DUSP28: variants seen among roughly 807,000 people sequenced by gnomAD.
DUSP28 encodes the protein dual specificity phosphatase 28.
In DUSP28, 11 loss-of-function variants were observed where a neutral mutation model predicts 8.4. The observed-to-expected ratio is 1.31, with a 90% CI of 0.83 to 2.17. DUSP28 has a LOEUF of 2.17. DUSP28 is among the 30% of genes most tolerant of loss of function. The pLI, the probability that DUSP28 is intolerant of heterozygous loss-of-function variation, is 0.00. For synonymous variants in DUSP28, 178 were observed against 130.9 expected, an observed-to-expected ratio of 1.36 and a Z score of -2.46; for missense variants, 373 against 270.4, an observed-to-expected ratio of 1.38 and a Z score of -2.66.
Position 240,560,964 on chromosome 2 carries a change from C to G in DUSP28, c.280C>G (p.Arg94Gly). 1 of 1,516,578 alleles carries G rather than the reference C, an allele frequency of 6.6e-7. No individual in the cohort carries two copies. The highest frequency in any genetic ancestry group is 1.2e-5 in the South Asian group (1 of 82,364). The allele number at this position is 1,516,578 out of a possible 1,614,324, so 93.9% of individuals were successfully genotyped here. A position where few individuals can be genotyped will look rare whatever the true frequency, so the allele number is the denominator to read the frequency against. The change falls in exon 1 of 2, where the codon CGC (arginine) becomes GGC (glycine). Residue 94 changes from arginine (R) to glycine (G), a missense_variant. Physicochemically the swap from Arg to Gly is moderately radical, Grantham distance 125. Coordinates refer to ENST00000405954, the MANE Select transcript of DUSP28 (RefSeq NM_001370465.2). ...PTCAAMEAAVRAGGACLVYCK... is the reference protein window; with the variant it reads ...PTCAAMEAAVGAGGACLVYCK... ...GTGCGCCGCCATGGAGGCCGCGGTG[C>G]GCGCCGGCGGCGCCTGCCTAGTCTA... is the stretch of plus-strand genomic sequence containing the variant.
intron 1 of DUSP28, 49 bp from the exon 2 acceptor site, chr2:240,561,281 C>A (rs201447869): frequency 1.2e-6 from 2 of 1,612,358 alleles, no homozygotes; most frequent in Admixed American, 1.7e-5. Flanking sequence ...TTGGCCCCTG[C>A]TGGCCATTAG....
Position 240,561,544 on chromosome 2 carries a change from C to T in DUSP28, c.*77C>T. Reference sequence around the variant, plus strand: ...GGCTGGTCTTTACCCTTCTTCCTCACTGTCATATCGAGTTTTCCTTTGTGT... The same window carrying T: ...GGCTGGTCTTTACCCTTCTTCCTCATTGTCATATCGAGTTTTCCTTTGTGT... On this transcript the variant is annotated 3_prime_UTR_variant, in exon 2 of 2. Transcript: ENST00000405954. 2 of 1,501,940 alleles carry T rather than the reference C, an allele frequency of 1.3e-6. No homozygotes were observed. Among genetic ancestry groups the T allele is most frequent in the African/African-American group, 1.4e-5 (1 of 71,394 alleles). The allele number at this position is 1,501,940 out of a possible 1,614,324, so 93.0% of individuals were successfully genotyped here. A position where few individuals can be genotyped will look rare whatever the true frequency, so the allele number is the denominator to read the frequency against.
rs971778456 is a variant in DUSP28 at position 240,564,362 on chromosome 2, C to A, written c.*2895C>A. ...CACGGCCGCCCAGTGCACTCGCCTCCACACTGAGTTTTCATTTTTCCCAGT... is the reference window on the plus strand; with the variant it reads ...CACGGCCGCCCAGTGCACTCGCCTCAACACTGAGTTTTCATTTTTCCCAGT... On this transcript the variant is annotated 3_prime_UTR_variant, in exon 2 of 2. Transcript: ENST00000405954. 3.3e-5 allele frequency among the ~76,000 whole-genome samples: 5 copies of A among 152,234 alleles called. No individual in the cohort carries two copies. Among genetic ancestry groups the A allele is most frequent in the Non-Finnish European group, 7.3e-5 (5 of 68,046 alleles).
Position 240,561,371 on chromosome 2 carries a change from C to A in DUSP28, c.435C>A (p.Gly145=). 1.9e-6 allele frequency: 3 copies of A among 1,613,866 alleles called. No homozygotes were observed. Among genetic ancestry groups the A allele is most frequent in the Non-Finnish European group, 2.5e-6 (3 of 1,180,030 alleles). ...SARPVAEPNP[G]FWSQLQKYEE... ...GCCCGGTAGCAGAACCGAACCCGGG[C>A]TTCTGGTCTCAGCTCCAGAAGTATG... The change falls in exon 2 of 2, where the codon GGC becomes GGA. Residue 145 remains glycine, a synonymous_variant. Coordinates refer to ENST00000405954, the MANE Select transcript of DUSP28 (RefSeq NM_001370465.2).
chr2:240,560,190 A>AG (rs2092826092), upstream of DUSP28: 1 of 153,684 alleles, frequency 6.5e-6, no homozygotes. Flanking sequence ...CGCAGTCACT[A>AG]GGGAAAGGGT....
At position 240,560,562 on chromosome 2, in the gene DUSP28, A is replaced by G. The variant is rs2092885370; in HGVS notation, c.-123A>G. 1.6e-6 allele frequency: 2 copies of G among 1,272,104 alleles called. No individual in the cohort carries two copies. The highest frequency in any genetic ancestry group is 2.0e-6 in the Non-Finnish European group (2 of 1,000,312). The allele number at this position is 1,272,104 out of a possible 1,614,324, so 78.8% of individuals were successfully genotyped here. On this transcript the variant is annotated 5_prime_UTR_variant, in exon 1 of 2. Coordinates refer to ENST00000405954, the MANE Select transcript of DUSP28 (RefSeq NM_001370465.2). ...CAAGCCCCAGCCTGGTCCACCTCGG[A>G]GGCCTCTAGGACCCGGGGGCGCCCG...
In DUSP28 at chr2:240,561,000, G is replaced by C. The variant is rs754396712; in HGVS notation, c.316G>C (p.Gly106Arg). Residue 106 changes from glycine to arginine, a missense_variant, in exon 1 of 2, where the codon GGC (glycine) becomes CGC (arginine). Transcript: ENST00000405954. ...CGCCTGCCTAGTCTACTGCAAGAAC[G>C]GCCGCAGCCGCTCGGCCGCCGTCTG... Reference protein sequence around the residue: ...GGACLVYCKNGRSRSAAVCTA... With the variant: ...GGACLVYCKNRRSRSAAVCTA... 1.3e-6 allele frequency: 2 copies of C among 1,539,260 alleles called. No individual in the cohort carries two copies. The highest frequency in any genetic ancestry group is 1.7e-6 in the Non-Finnish European group (2 of 1,155,002).
At chr2:240,561,202 G>A (rs1293494115) in intron 1 of DUSP28, 125 bp downstream of exon 1, 9 of 1,532,068 alleles carry the variant, frequency 5.9e-6, no homozygotes, top group Middle Eastern at 2.4e-4. Context: ...TCTCTCGTGA[G>A]GGCGGGCTTA....
Position 240,564,356 on chromosome 2 carries a change from C to T in DUSP28, c.*2889C>T, listed in dbSNP as rs186532891. Reference sequence around the variant, plus strand: ...CGGCACCACGGCCGCCCAGTGCACTCGCCTCCACACTGAGTTTTCATTTTT... The same window carrying T: ...CGGCACCACGGCCGCCCAGTGCACTTGCCTCCACACTGAGTTTTCATTTTT... On this transcript the variant is annotated 3_prime_UTR_variant, in exon 2 of 2. Transcript: ENST00000405954. Among the ~76,000 whole-genome samples the T allele has an allele frequency of 1.1e-4, 17 of 152,318 alleles. No individual in the cohort carries two copies. The highest frequency in any genetic ancestry group is 7.2e-5 in the African/African-American group (3 of 41,562).
Position 240,562,449 on chromosome 2 carries a change from T to C in DUSP28, c.*982T>C, listed in dbSNP as rs1138847. 36,480 of 152,178 alleles carry C rather than the reference T, an allele frequency of 0.24. 4,696 individuals carry two copies. The highest frequency in any genetic ancestry group is 0.52 in the Middle Eastern group (154 of 294). The allele number at this position is 152,178 out of a possible 1,614,324, so 9.4% of individuals were successfully genotyped here. ...ATTTCAAAAGTGATTTTTTCACCCATGGCTTCTACGGTGACAGAGTATGGT... is the reference window on the plus strand; with the variant it reads ...ATTTCAAAAGTGATTTTTTCACCCACGGCTTCTACGGTGACAGAGTATGGT... On this transcript the variant is annotated 3_prime_UTR_variant, in exon 2 of 2. Transcript: ENST00000405954.
At position 240,562,753 on chromosome 2, in the gene DUSP28, G is replaced by A. The variant is rs192554084; in HGVS notation, c.*1286G>A. On this transcript the variant is annotated 3_prime_UTR_variant, in exon 2 of 2. Transcript: ENST00000405954. ...TTAAATGTCTTAACATTGCAAGTGA[G>A]GGTTCCCATTTTATCAGAAAATAGA... The A allele has an allele frequency of 6.6e-6, 1 of 152,316 alleles. No individual in the cohort carries two copies. The highest frequency in any genetic ancestry group is 1.9e-4 in the East Asian group (1 of 5,188). The allele number at this position is 152,316 out of a possible 1,614,324, so 9.4% of individuals were successfully genotyped here.
Position 240,561,094 on chromosome 2 carries a change from G to A in DUSP28, c.393+17G>A. ...GCCTTCCAGGTGGGCGGGCCTTTAG[G>A]GGGGCGGTGTTTCGAGAGGGGCGTG... On this transcript the variant is annotated intron_variant, in intron 1 of 1. Transcript: ENST00000405954. 1.4e-6 allele frequency: 2 copies of A among 1,467,172 alleles called. No individual in the cohort carries two copies. Among genetic ancestry groups the A allele is most frequent in the South Asian group, 1.4e-5 (1 of 73,172 alleles). The allele number at this position is 1,467,172 out of a possible 1,614,324, so 90.9% of individuals were successfully genotyped here. A position where few individuals can be genotyped will look rare whatever the true frequency, so the allele number is the denominator to read the frequency against.
Position 240,564,222 on chromosome 2 carries a change from TC to T in DUSP28, c.*2757del, listed in dbSNP as rs1288179624. Among the ~76,000 whole-genome samples the T allele has an allele frequency of 6.6e-5, 10 of 152,354 alleles. 1 individual carries two copies. In the East Asian group the frequency reaches 1.7e-3, roughly 26 times the overall value. On this transcript the variant is annotated 3_prime_UTR_variant, in exon 2 of 2. Transcript: ENST00000405954. The stretch of plus-strand genomic sequence containing the variant: ...TCTAGGAAGTATGGTTTTCCATCCT[TC>T]CTACTGCTTTCTTCACAAGAGAATC...
At chr2:240,561,196 T>G in intron 1 of DUSP28, 119 bp downstream of exon 1, 1 of 1,512,438 alleles carries the variant, frequency 6.6e-7, no homozygotes, top group African/African-American at 1.4e-5. Flanking sequence ...CGGGTCTCTC[T>G]CGTGAGGGCG....
rs756305510 is a variant in DUSP28 at position 240,561,303 on chromosome 2, G to C, written c.394-27G>C. 5 of 1,613,426 alleles carry C rather than the reference G, an allele frequency of 3.1e-6. No homozygotes were observed. The Admixed American group carries it at 8.3e-5, about 27-fold the overall frequency. On this transcript the variant is annotated intron_variant, in intron 1 of 1. Transcript: ENST00000405954. ...CTGCTGGCCATTAGCGCGACTTGGG[G>C]TTATTCAGTACACTTCTTGTTTGCA...
rs535721360 is a variant in DUSP28 at position 240,563,046 on chromosome 2, G to C, written c.*1579G>C. On this transcript the variant is annotated 3_prime_UTR_variant, in exon 2 of 2. Transcript: ENST00000405954. Reference sequence around the variant, plus strand: ...TTTTATTCCATAGCACGGCTCCCACGCAGCTCACTACAGACATGACCAGAG... The same window carrying C: ...TTTTATTCCATAGCACGGCTCCCACCCAGCTCACTACAGACATGACCAGAG... 1 of 152,366 alleles carries C rather than the reference G, an allele frequency of 6.6e-6. No homozygotes were observed. The highest frequency in any genetic ancestry group is 2.4e-5 in the African/African-American group (1 of 41,412). 9.4% of individuals were successfully genotyped at this position (152,366 alleles called of 1,614,324 possible).
At position 240,561,600 on chromosome 2, in the gene DUSP28, T is replaced by A; in HGVS notation, c.*133T>A. Reference sequence around the variant, plus strand: ...TGTGTGAAACATAGTGCTTTTAATTTTATATTTCCGGCTGAGGTGATGCAC... The same window carrying A: ...TGTGTGAAACATAGTGCTTTTAATTATATATTTCCGGCTGAGGTGATGCAC... On this transcript the variant is annotated 3_prime_UTR_variant, in exon 2 of 2. Coordinates refer to ENST00000405954, the MANE Select transcript of DUSP28 (RefSeq NM_001370465.2). 1 of 1,210,756 alleles carries A rather than the reference T, an allele frequency of 8.3e-7. No homozygotes were observed. Among genetic ancestry groups the A allele is most frequent in the Non-Finnish European group, 1.1e-6 (1 of 917,914 alleles). 75.0% of individuals were successfully genotyped at this position (1,210,756 alleles called of 1,614,324 possible).
Position 240,561,457 on chromosome 2 carries a change from C to CTGAGGCT in DUSP28, c.525_531dup. ...GAGCCCCCAGCCTTAGGGTTGGGCC[C>CTGAGGCT]TGAGGCTTGAAGCTTGAAGGCCTGC... On this transcript the variant is annotated frameshift_variant, in exon 2 of 2. Coordinates refer to ENST00000405954, the MANE Select transcript of DUSP28 (RefSeq NM_001370465.2). LOFTEE classifies it high-confidence loss of function. 6.2e-7 allele frequency: 1 copy of CTGAGGCT among 1,613,232 alleles called. No individual in the cohort carries two copies. The highest frequency in any genetic ancestry group is 8.5e-7 in the Non-Finnish European group (1 of 1,179,848).
Position 240,560,608 on chromosome 2 carries a change from A to C in DUSP28, c.-77A>C, listed in dbSNP as rs895211205. ...GCCCGGCGGCCCGCCCGGCTCCCACAAATAGACTCCTGGGCGGGCGCCTGA... is the reference window on the plus strand; with the variant it reads ...GCCCGGCGGCCCGCCCGGCTCCCACCAATAGACTCCTGGGCGGGCGCCTGA... On this transcript the variant is annotated 5_prime_UTR_variant, in exon 1 of 2. Coordinates refer to ENST00000405954, the MANE Select transcript of DUSP28 (RefSeq NM_001370465.2). 1 of 1,353,228 alleles carries C rather than the reference A, an allele frequency of 7.4e-7. No individual in the cohort carries two copies. The highest frequency in any genetic ancestry group is 1.5e-5 in the African/African-American group (1 of 65,062). 83.8% of individuals were successfully genotyped at this position (1,353,228 alleles called of 1,614,324 possible).
Sources: allele counts gnomAD v4.1 joint callset (sites outside exome capture counted in the v4.1 genomes callset), GRCh38; gene constraint gnomAD v4.1.1; transcripts MANE v1.5; gene names NCBI Gene and HGNC (gene_info 2026-07-23, HGNC 2026-07-21).